ISX: variants seen among roughly 807,000 people sequenced by gnomAD.
ISX encodes intestine specific homeobox.
Under a neutral mutation model 16.9 loss-of-function variants are expected in ISX, and 15 were observed. The observed-to-expected ratio is 0.89, with a 90% CI of 0.59 to 1.36. The LOEUF is 1.36. Among genes scored for constraint, ISX ranks in the 40% most tolerant of loss-of-function variants. The pLI is 0.00. For synonymous variants in ISX, 125 were observed against 119.7 expected, an observed-to-expected ratio of 1.04 and a Z score of -0.29; for missense variants, 316 against 306.1, an observed-to-expected ratio of 1.03 and a Z score of -0.24.
chr22:35,084,295 G>A, intron 3 of ISX, 88 bp from the exon 4 acceptor site: 2 of 843,798 alleles, frequency 2.4e-6, no homozygotes, highest in Non-Finnish European at 4.0e-6. Context: ...ACAGTCCCTT[G>A]GAAGGTGTAG....
intron 2 of ISX, among the ~76,000 whole-genome samples, chr22:35,068,306 CATAA>C (rs1928761172): frequency 6.6e-6 from 1 of 152,228 alleles, no homozygotes; most frequent in South Asian, 2.1e-4. Flanking sequence ...CATTACCTGC[CATAA>C]ATAGAGCTCC....
chr22:35,082,106 T>C (rs1929135500), intron 2 of ISX, among the ~76,000 whole-genome samples: 1 of 152,248 alleles, frequency 6.6e-6, no homozygotes, highest in Non-Finnish European at 1.5e-5. Flanking sequence ...AACTCTGCTG[T>C]TAAAGTGCAA....
In ISX at chr22:35,085,861, C is replaced by T; in HGVS notation, c.*168C>T. On this transcript the variant is annotated 3_prime_UTR_variant, in exon 5 of 5. Transcript: ENST00000404699. ...TGGAAGGCTGCACCAGACTCAAAAG[C>T]AAACTAAACAATAAAGGACAGCTCT... 1 of 726,626 alleles carries T rather than the reference C, an allele frequency of 1.4e-6. No homozygotes were observed. Among genetic ancestry groups the T allele is most frequent in the Non-Finnish European group, 2.3e-6 (1 of 439,354 alleles). 45.0% of individuals were successfully genotyped at this position (726,626 alleles called of 1,614,324 possible). A position where few individuals can be genotyped will look rare whatever the true frequency, so the allele number is the denominator to read the frequency against.
At chr22:35,083,266 G>C (rs1323388689) in intron 3 of ISX, among the ~76,000 whole-genome samples, 2 of 152,152 alleles carry the variant, frequency 1.3e-5, no homozygotes, top group Non-Finnish European at 2.9e-5. Context: ...AAAAACAGGT[G>C]AAAGGCCAGA....
rs1929146322 is a variant in ISX at position 35,082,576 on chromosome 22, G to T, written c.288G>T (p.Glu96Asp). The change falls in exon 3 of 5, where the codon GAG becomes GAT. Residue 96 changes from glutamate (E) to aspartate (D), a missense_variant. Physicochemically the swap from Glu to Asp is conservative, Grantham distance 45. Coordinates refer to ENST00000404699, the MANE Select transcript of ISX (RefSeq NM_001303508.2). ...CCTTCACCACTGAGCAGCTGCATGA[G>T]CTGGAGAAGATCTTCCACTTTACCC... ...RTTFTTEQLH[E>D]LEKIFHFTHY... 6.2e-7 allele frequency: 1 copy of T among 1,614,170 alleles called. No individual in the cohort carries two copies. Among genetic ancestry groups the T allele is most frequent in the Non-Finnish European group, 8.5e-7 (1 of 1,180,010 alleles).
intron 2 of ISX, among the ~76,000 whole-genome samples, chr22:35,074,055 C>T (rs1268038251): frequency 1.3e-5 from 2 of 152,144 alleles, no homozygotes; most frequent in Admixed American, 6.5e-5. Context: ...AACCTTCAGC[C>T]GTGATGGGAT....
chr22:35,081,778 G>C (rs923312162), intron 2 of ISX, among the ~76,000 whole-genome samples: 2 of 152,202 alleles, frequency 1.3e-5, no homozygotes, highest in African/African-American at 2.4e-5. Context: ...CTCTTTGAGG[G>C]ATGCATGACA....
Position 35,085,661 on chromosome 22 carries a change from A to G in ISX, c.706A>G (p.Lys236Glu). The change falls in exon 5 of 5, where the codon AAA (lysine) becomes GAA (glutamate). Residue 236 changes from lysine (K) to glutamate (E), a missense_variant. Lys to Glu is a moderately conservative substitution (Grantham distance 56). Transcript: ENST00000404699. Reference protein sequence around the residue: ...VLCILPPPHPKWGSICATST With the variant: ...VLCILPPPHPEWGSICATST Reference sequence around the variant, plus strand: ...ATGCATCCTTCCACCTCCACACCCCAAATGGGGCAGCATCTGTGCTACTTC... The same window carrying G: ...ATGCATCCTTCCACCTCCACACCCCGAATGGGGCAGCATCTGTGCTACTTC... 6.2e-7 allele frequency: 1 copy of G among 1,614,158 alleles called. No individual in the cohort carries two copies. Among genetic ancestry groups the G allele is most frequent in the South Asian group, 1.1e-5 (1 of 91,086 alleles).
At position 35,085,845 on chromosome 22, in the gene ISX, G is replaced by A; in HGVS notation, c.*152G>A. ...CCCTGAACATGCCAGTTGGAAGGCTGCACCAGACTCAAAAGCAAACTAAAC... is the reference window on the plus strand; with the variant it reads ...CCCTGAACATGCCAGTTGGAAGGCTACACCAGACTCAAAAGCAAACTAAAC... On this transcript the variant is annotated 3_prime_UTR_variant, in exon 5 of 5. Coordinates refer to ENST00000404699, the MANE Select transcript of ISX (RefSeq NM_001303508.2). 3 of 880,348 alleles carry A rather than the reference G, an allele frequency of 3.4e-6. No individual in the cohort carries two copies. Among genetic ancestry groups the A allele is most frequent in the South Asian group, 3.3e-5 (2 of 60,180 alleles). The allele number at this position is 880,348 out of a possible 1,614,324, so 54.5% of individuals were successfully genotyped here.
chr22:35,074,258 G>A (rs1160521752), intron 2 of ISX, among the ~76,000 whole-genome samples: 2 of 152,212 alleles, frequency 1.3e-5, no homozygotes, highest in African/African-American at 4.8e-5. Context: ...CCCATTGGCC[G>A]AGCTTGAGTG....
intron 2 of ISX, among the ~76,000 whole-genome samples, chr22:35,072,508 A>G (rs1037640183): frequency 2.0e-5 from 3 of 152,202 alleles, no homozygotes; most frequent in South Asian, 2.1e-4. Flanking sequence ...TTTGATCCCT[A>G]AAGACAAACC....
intron 1 of ISX, 21 bp from the exon 2 acceptor site, chr22:35,066,731 G>T: frequency 4.7e-6 from 1 of 214,012 alleles, no homozygotes; most frequent in Non-Finnish European, 9.3e-6. Flanking sequence ...CTCTTTGTTC[G>T]CCACTGGGCG....
intron 2 of ISX, among the ~76,000 whole-genome samples, chr22:35,079,763 G>A (rs1929079660): frequency 6.6e-6 from 1 of 152,062 alleles, no homozygotes; most frequent in African/African-American, 2.4e-5. Flanking sequence ...AAGGTGATCT[G>A]GGGAGAGGGT....
intron 2 of ISX, among the ~76,000 whole-genome samples, chr22:35,077,615 TCA>T (rs1929018434): frequency 1.9e-5 from 1 of 53,436 alleles, no homozygotes. Flanking sequence ...CACAACATCA[TCA>T]TCATCATCAT....
intron 3 of ISX, among the ~76,000 whole-genome samples, chr22:35,083,104 C>G (rs1233332428): frequency 6.6e-6 from 1 of 152,164 alleles, no homozygotes; most frequent in Non-Finnish European, 1.5e-5. Context: ...CAAGGTAGCA[C>G]AAAAGCAGCC....
At chr22:35,083,991 C>T (rs60121176) in intron 3 of ISX, among the ~76,000 whole-genome samples, 6 of 152,276 alleles carry the variant, frequency 3.9e-5, no homozygotes, top group African/African-American at 9.6e-5. Flanking sequence ...TAGTTTAAAA[C>T]TCAGAAGCTT....
chr22:35,072,911 A>C (rs1291212388), intron 2 of ISX, among the ~76,000 whole-genome samples: 1 of 152,172 alleles, frequency 6.6e-6, no homozygotes, highest in Non-Finnish European at 1.5e-5. Context: ...TTGGGGTTGC[A>C]GTCGTCTGGA....
At chr22:35,067,916 CCCCAA>C (rs1236741271) in intron 2 of ISX, among the ~76,000 whole-genome samples, 28 of 152,300 alleles carry the variant, frequency 1.8e-4, no homozygotes, top group African/African-American at 6.5e-4. Flanking sequence ...CCAGTGGCCA[CCCCAA>C]GGCATGTCCC....
chr22:35,078,671 G>C (rs1929050189), intron 2 of ISX, among the ~76,000 whole-genome samples: 1 of 152,114 alleles, frequency 6.6e-6, no homozygotes, highest in Admixed American at 6.5e-5. Flanking sequence ...ACTTTGAAAG[G>C]ATAAAAATGG....
Sources: gnomAD v4.1 joint callset for allele counts (sites outside exome capture counted in the v4.1 genomes callset) on GRCh38, gnomAD v4.1.1 for gene constraint, MANE v1.5 for transcripts, NCBI Gene and HGNC (gene_info 2026-07-23, HGNC 2026-07-21) for gene names.